The following ZSCAN1 variants were observed in gnomAD, a reference collection of about 807,000 sequenced individuals.
ZSCAN1 encodes zinc finger and SCAN domain containing 1.
Under a neutral mutation model 23.8 loss-of-function variants are expected in ZSCAN1, and 23 were observed. That is an observed-to-expected ratio of 0.97 (90% CI 0.70 to 1.37). The LOEUF (loss-of-function observed/expected upper bound fraction) is 1.37, where lower values mean the gene tolerates loss of function less well. Among genes scored for constraint, ZSCAN1 ranks in the 40% most tolerant of loss-of-function variants. The probability of loss-of-function intolerance (pLI) is 0.00; values close to 1 mark genes in which losing one functional copy is unlikely to be tolerated. For missense variants in ZSCAN1, 575 were observed against 554.0 expected (o/e 1.04, Z -0.38); for synonymous variants, 236 against 232.3 (o/e 1.02, Z -0.15).
intron 3 of ZSCAN1, among the ~76,000 whole-genome samples, chr19:58,039,712 A>G (rs71355829): frequency 0.14 from 21,106 of 147,994 alleles, 1,909 homozygotes; most frequent in Middle Eastern, 0.24. Context: ...CGGAGCTTGC[A>G]GTGAGCCAAG....
chr19:58,055,944 A>G (rs1214253734), downstream of ZSCAN1, among the ~76,000 whole-genome samples: 7 of 152,152 alleles, frequency 4.6e-5, no homozygotes, highest in Admixed American at 4.6e-4. Flanking sequence ...AACAAAGAAA[A>G]CAACGCAAAC....
intron 2 of ZSCAN1, among the ~76,000 whole-genome samples, chr19:58,037,341 G>A (rs1177206773): frequency 1.3e-5 from 2 of 148,622 alleles, no homozygotes; most frequent in African/African-American, 2.6e-5. Flanking sequence ...CCCGCAGCTC[G>A]TCAGTCAATG....
intron 4 of ZSCAN1, among the ~76,000 whole-genome samples, chr19:58,041,611 T>C (rs1354493709): frequency 6.6e-6 from 1 of 152,138 alleles, no homozygotes; most frequent in Non-Finnish European, 1.5e-5. Context: ...CTCATCCCGG[T>C]AATCCCAGCA....
Position 58,045,101 on chromosome 19 carries a change from G to C in ZSCAN1, c.465+4557G>C. 8.0e-7 allele frequency: 1 copy of C among 1,243,644 alleles called. No homozygotes were observed. Among genetic ancestry groups the C allele is most frequent in the Non-Finnish European group, 1.2e-6 (1 of 846,006 alleles). The allele number at this position is 1,243,644 out of a possible 1,614,324, so 77.0% of individuals were successfully genotyped here. A position where few individuals can be genotyped will look rare whatever the true frequency, so the allele number is the denominator to read the frequency against. On this transcript the variant is annotated intron_variant, in intron 4 of 5. Transcript: ENST00000282326. This position sits in a 1 kb window ranked among gnomAD's most constrained non-coding sequence, Gnocchi z 4.3. The stretch of plus-strand genomic sequence containing the variant: ...ACTACCATGGCTTCCGCCTGCTACG[G>C]ATCCACACCAAGATCGCAGCACGCA...
chr19:58,039,951 C>G (rs2073774225), intron 3 of ZSCAN1, among the ~76,000 whole-genome samples: 1 of 152,018 alleles, frequency 6.6e-6, no homozygotes, highest in Non-Finnish European at 1.5e-5. Context: ...CCAGGCTGCT[C>G]TCAAACTCTT....
chr19:58,046,814 G>T, intron 4 of ZSCAN1: 2 of 732,834 alleles, frequency 2.7e-6, no homozygotes, highest in South Asian at 2.9e-5. Context: ...CTGCCACCCT[G>T]GTGAGGGCTG....
intron 4 of ZSCAN1, among the ~76,000 whole-genome samples, chr19:58,050,713 G>T (rs1022492358): frequency 6.6e-6 from 1 of 152,010 alleles, no homozygotes; most frequent in African/African-American, 2.4e-5. Flanking sequence ...TAGAGATGGG[G>T]TTTCACCATG....
chr19:58,055,450 G>A (rs1461519916), downstream of ZSCAN1, among the ~76,000 whole-genome samples: 3 of 152,206 alleles, frequency 2.0e-5, no homozygotes, highest in African/African-American at 7.2e-5. Context: ...GTCCCCACTG[G>A]GGGCTCCTGG....
At position 58,053,428 on chromosome 19, in the gene ZSCAN1, G is replaced by A. The variant is rs1345987568; in HGVS notation, c.605-1G>A. ...TGACCCATCTCCCTCGCCCTCCACA[G>A]GGTCCCGGGCCCGCTTGCCTCTGAA... On this transcript the variant is annotated splice_acceptor_variant, in intron 5 of 5. Coordinates refer to ENST00000282326, the MANE Select transcript of ZSCAN1 (RefSeq NM_182572.4). LOFTEE classifies it high-confidence loss of function. This position sits in a 1 kb window ranked among gnomAD's most constrained non-coding sequence, Gnocchi z 5.8. 1 of 1,606,126 alleles carries A rather than the reference G, an allele frequency of 6.2e-7. No individual in the cohort carries two copies. The highest frequency in any genetic ancestry group is 8.5e-7 in the Non-Finnish European group (1 of 1,174,382).
downstream of ZSCAN1, among the ~76,000 whole-genome samples, chr19:58,055,114 G>C (rs1370634731): frequency 6.6e-6 from 1 of 152,106 alleles, no homozygotes; most frequent in Non-Finnish European, 1.5e-5. Context: ...TTCTCCTCCC[G>C]ACTTCACTTG....
intron 3 of ZSCAN1, among the ~76,000 whole-genome samples, chr19:58,039,332 G>A (rs2073766789): frequency 6.6e-6 from 1 of 152,204 alleles, no homozygotes; most frequent in African/African-American, 2.4e-5. Context: ...TAGTTTTAAT[G>A]TTCCATGGTC....
chr19:58,046,270 G>A (rs999412450), intron 4 of ZSCAN1: 2 of 782,742 alleles, frequency 2.6e-6, no homozygotes, highest in Non-Finnish European at 4.7e-6. Flanking sequence ...GGAGGAGCTG[G>A]AGCTGCTGAA....
rs1224065442 is a variant in ZSCAN1, at chr19:58,038,167, A to G, written c.331A>G (p.Ser111Gly). 1 of 1,608,296 alleles carries G rather than the reference A, an allele frequency of 6.2e-7. No individual in the cohort carries two copies. Among genetic ancestry groups the G allele is most frequent in the Non-Finnish European group, 8.5e-7 (1 of 1,178,798 alleles). The change falls in exon 3 of 6, where the codon AGC becomes GGC. Residue 111 changes from serine to glycine, a missense_variant. Physicochemically the swap from Ser to Gly is moderately conservative, Grantham distance 56. Transcript: ENST00000282326. ...QGPRSCREAASLVEDLTQMCQ... is the reference protein window; with the variant it reads ...QGPRSCREAAGLVEDLTQMCQ... Reference sequence around the variant, plus strand: ...CCCCCGAAGCTGCAGGGAGGCCGCCAGCCTGGTGGAGGACCTCACACAGAT... The same window carrying G: ...CCCCCGAAGCTGCAGGGAGGCCGCCGGCCTGGTGGAGGACCTCACACAGAT...
chr19:58,052,203 G>T (rs906225509), intron 4 of ZSCAN1, among the ~76,000 whole-genome samples: 1 of 152,246 alleles, frequency 6.6e-6, no homozygotes, highest in African/African-American at 2.4e-5. Context: ...TTGTACAGGG[G>T]CCCCTCGAAT....
Position 58,054,110 on chromosome 19 carries a change from C to T in ZSCAN1, c.*59C>T. 7.0e-7 allele frequency: 1 copy of T among 1,437,756 alleles called. No homozygotes were observed. 89.1% of individuals were successfully genotyped at this position (1,437,756 alleles called of 1,614,324 possible). On this transcript the variant is annotated 3_prime_UTR_variant, in exon 6 of 6. Coordinates refer to ENST00000282326, the MANE Select transcript of ZSCAN1 (RefSeq NM_182572.4). This position sits in a 1 kb window ranked among gnomAD's most constrained non-coding sequence, Gnocchi z 4.2. ...GAGTCCCTGGGGGGAGCTGATGGGC[C>T]CCAGAAGATGGGGGACATCCCCCAG...
rs1319796040 is a variant in ZSCAN1 at position 58,040,184 on chromosome 19, G to A, written c.371-266G>A. Among the ~76,000 whole-genome samples the A allele has an allele frequency of 6.6e-6, 1 of 152,220 alleles. No individual in the cohort carries two copies. The highest frequency in any genetic ancestry group is 2.4e-5 in the African/African-American group (1 of 41,454). On this transcript the variant is annotated intron_variant, in intron 3 of 5. Coordinates refer to ENST00000282326, the MANE Select transcript of ZSCAN1 (RefSeq NM_182572.4). The surrounding 1 kb of genome is among the most constrained non-coding windows in gnomAD (Gnocchi z 5.8). Reference sequence around the variant, plus strand: ...CTCCCTAGTTAGTCAGTGCTGCAGTGTGTGTCCTCGTGGGCTTCTGGAGGC... The same window carrying A: ...CTCCCTAGTTAGTCAGTGCTGCAGTATGTGTCCTCGTGGGCTTCTGGAGGC...
rs941698341 is a variant in ZSCAN1 at position 58,040,014 on chromosome 19, G to C, written c.371-436G>C. Among the ~76,000 whole-genome samples the C allele has an allele frequency of 6.6e-6, 1 of 152,262 alleles. No individual in the cohort carries two copies. The highest frequency in any genetic ancestry group is 2.4e-5 in the African/African-American group (1 of 41,554). On this transcript the variant is annotated intron_variant, in intron 3 of 5. Coordinates refer to ENST00000282326, the MANE Select transcript of ZSCAN1 (RefSeq NM_182572.4). This position sits in a 1 kb window ranked among gnomAD's most constrained non-coding sequence, Gnocchi z 5.8. ...CTCCCAAAGTGCTGGGATTACTGGT[G>C]TGAGCCACCACGCCTGGCCTGGTTC...
chr19:58,040,362 G>A lies in ZSCAN1; in HGVS notation c.371-88G>A, dbSNP rs1014808113. Reference sequence around the variant, plus strand: ...CCTCAGGGGTGCTGCAGGGATGTTCGGGGAAAGTCTGCCCTCCCCAGAAGG... The same window carrying A: ...CCTCAGGGGTGCTGCAGGGATGTTCAGGGAAAGTCTGCCCTCCCCAGAAGG... On this transcript the variant is annotated intron_variant, in intron 3 of 5. Coordinates refer to ENST00000282326, the MANE Select transcript of ZSCAN1 (RefSeq NM_182572.4). The surrounding 1 kb of genome is among the most constrained non-coding windows in gnomAD (Gnocchi z 5.8). 2.1e-5 allele frequency: 30 copies of A among 1,404,718 alleles called. No homozygotes were observed. Among genetic ancestry groups the A allele is most frequent in the East Asian group, 2.1e-4 (9 of 43,440 alleles). The allele number at this position is 1,404,718 out of a possible 1,614,324, so 87.0% of individuals were successfully genotyped here.
intron 4 of ZSCAN1, among the ~76,000 whole-genome samples, chr19:58,050,363 C>T (rs897711701): frequency 2.6e-5 from 4 of 151,598 alleles, no homozygotes; most frequent in Admixed American, 2.0e-4. Context: ...TTGAACCCAG[C>T]GGGTGGAGGT....
Sources: allele counts gnomAD v4.1 joint callset (sites outside exome capture counted in the v4.1 genomes callset), GRCh38; gene constraint gnomAD v4.1.1; non-coding constraint Gnocchi (gnomAD v3.1); transcripts MANE v1.5; gene names NCBI Gene and HGNC (gene_info 2026-07-23, HGNC 2026-07-21).